Variants in DLG1 observed in about 807,000 individuals in gnomAD.
DLG1 encodes the protein discs large MAGUK scaffold protein 1, also known as disks large homolog 1.
A neutral mutation model predicts 123.4 loss-of-function variants in DLG1; 42 were observed. The observed-to-expected ratio is 0.34, with a 90% CI of 0.27 to 0.44. The LOEUF (loss-of-function observed/expected upper bound fraction) is 0.44, where lower values mean the gene tolerates loss of function less well. Ranked by LOEUF, DLG1 falls within the 20% of genes least tolerant of loss-of-function variation. The pLI, the probability that DLG1 is intolerant of heterozygous loss-of-function variation, is 1.00. For missense variants in DLG1, 942 were observed against 1,082.6 expected, an observed-to-expected ratio of 0.87 and a Z score of 1.82; for synonymous variants, 317 against 356.2, an observed-to-expected ratio of 0.89 and a Z score of 1.24.
intron 12 of DLG1, among the ~76,000 whole-genome samples, chr3:197,117,656 T>A (rs1198274140): frequency 6.6e-6 from 1 of 152,158 alleles, no homozygotes; most frequent in African/African-American, 2.4e-5. Context: ...GATTAAAGGT[T>A]ACCAGGGGCT....
At chr3:197,130,787 G>T in intron 10 of DLG1, 116 bp from the exon 11 acceptor site, 1 of 789,646 alleles carries the variant, frequency 1.3e-6, no homozygotes, top group Non-Finnish European at 1.9e-6. Context: ...ATAAAGGTAT[G>T]CCGAAAGAAA....
intron 11 of DLG1, among the ~76,000 whole-genome samples, chr3:197,119,783 T>TA (rs1444065862): frequency 6.6e-6 from 1 of 152,124 alleles, no homozygotes; most frequent in African/African-American, 2.4e-5. Context: ...ACACCCAGAT[T>TA]ACTTAAAGAA....
Position 197,051,589 on chromosome 3 carries a change from C to G in DLG1, c.2563G>C (p.Glu855Gln), listed in dbSNP as rs1461717180. 1.2e-6 allele frequency: 2 copies of G among 1,613,762 alleles called. No individual in the cohort carries two copies. Among genetic ancestry groups the G allele is most frequent in the Admixed American group, 1.7e-5 (1 of 60,010 alleles). ...ACACGGTTCCAACCTGTGAAATGTT[C>G]AGTAAACTCCTGTTCCAGTTTCATG... ...RAMKLEQEFT[E>Q]HFTAIVQGDT... Residue 855 changes from glutamate to glutamine, a missense_variant, in exon 24 of 25, where the codon GAA becomes CAA. Transcript: ENST00000667157.
intron 4 of DLG1, among the ~76,000 whole-genome samples, chr3:197,263,987 T>A (rs373146578): frequency 6.6e-6 from 1 of 152,048 alleles, no homozygotes; most frequent in African/African-American, 2.4e-5. Context: ...CCAGTAAAAA[T>A]AGAAGTTTGC....
At chr3:197,184,659 G>T (rs1341764686) in intron 5 of DLG1, among the ~76,000 whole-genome samples, 2 of 152,138 alleles carry the variant, frequency 1.3e-5, no homozygotes, top group Non-Finnish European at 2.9e-5. Context: ...GAACTTTCAA[G>T]AAATTATCAG....
At chr3:197,045,402 G>T (rs112469690) in intron 24 of DLG1, among the ~76,000 whole-genome samples, 1 of 152,068 alleles carries the variant, frequency 6.6e-6, no homozygotes, top group Non-Finnish European at 1.5e-5. Flanking sequence ...ACAAAGTATC[G>T]CTAGACAGCA....
At chr3:197,133,665 G>A (rs1007281669) in intron 10 of DLG1, among the ~76,000 whole-genome samples, 5 of 152,136 alleles carry the variant, frequency 3.3e-5, no homozygotes, top group Admixed American at 1.3e-4. Context: ...AGTGACCTTG[G>A]GAGTGAATAG....
intron 18 of DLG1, among the ~76,000 whole-genome samples, chr3:197,073,667 CTCT>C (rs1365978209): frequency 2.0e-5 from 3 of 152,170 alleles, no homozygotes; most frequent in East Asian, 1.9e-4. Context: ...TTATTTGACT[CTCT>C]TCTTCTCAGA....
At chr3:197,298,237 T>G in intron 1 of DLG1, 7 of 334,614 alleles carry the variant, frequency 2.1e-5, no homozygotes, top group South Asian at 1.6e-4. Context: ...GCTGCTACCT[T>G]CGGGTTGGAA....
chr3:197,157,989 T>C (rs1310260598), intron 5 of DLG1, among the ~76,000 whole-genome samples: 2 of 152,210 alleles, frequency 1.3e-5, no homozygotes, highest in Non-Finnish European at 2.9e-5. Flanking sequence ...GAATTGTCAA[T>C]GATTTCTTGG....
At position 197,155,863 on chromosome 3, in the gene DLG1, C is replaced by T. The variant is rs563421072; in HGVS notation, c.484-6067G>A. 2.0e-4 allele frequency among the ~76,000 whole-genome samples: 31 copies of T among 152,174 alleles called. No homozygotes were observed. In the East Asian group the frequency reaches 5.0e-3, roughly 25 times the overall value. ...ATTCAGGAGACTGAGGCGGGAGAAT[C>T]GATTGGGCCCAAGAGGTTGAGGCTG... On this transcript the variant is annotated intron_variant, in intron 5 of 24. Coordinates refer to ENST00000667157, the MANE Select transcript of DLG1 (RefSeq NM_001366207.1).
intron 4 of DLG1, among the ~76,000 whole-genome samples, chr3:197,216,039 C>G (rs1733954462): frequency 6.6e-6 from 1 of 151,958 alleles, no homozygotes; most frequent in South Asian, 2.1e-4. Context: ...TTCACTGAAC[C>G]CAATTCTAGT....
rs998305982 is a variant in DLG1 at position 197,138,562 on chromosome 3, C to G, written c.714-171G>C. Among the ~76,000 whole-genome samples the G allele has an allele frequency of 5.3e-5, 8 of 151,386 alleles. 1 individual carries two copies. The highest frequency in any genetic ancestry group is 1.9e-4 in the African/African-American group (8 of 41,304). The stretch of plus-strand genomic sequence containing the variant: ...AAAGTATATCAAAAACTAATATAAA[C>G]AAATACAAACATTTCCCAAGGGCCA... On this transcript the variant is annotated intron_variant, in intron 8 of 24. Coordinates refer to ENST00000667157, the MANE Select transcript of DLG1 (RefSeq NM_001366207.1).
At chr3:197,273,118 T>C (rs2151061520) in intron 4 of DLG1, among the ~76,000 whole-genome samples, 1 of 152,220 alleles carries the variant, frequency 6.6e-6, no homozygotes, top group Non-Finnish European at 1.5e-5. Flanking sequence ...GTAAGAATAT[T>C]ATACAGTATT....
chr3:197,128,389 T>C (rs1780857653), intron 11 of DLG1, among the ~76,000 whole-genome samples: 1 of 152,226 alleles, frequency 6.6e-6, no homozygotes, highest in Non-Finnish European at 1.5e-5. Context: ...AGTCACATCT[T>C]CAGGCTCCAC....
At chr3:197,286,353 G>A (rs1034263094) in intron 3 of DLG1, among the ~76,000 whole-genome samples, 4 of 152,192 alleles carry the variant, frequency 2.6e-5, no homozygotes, top group Non-Finnish European at 5.9e-5. Flanking sequence ...AAAAGAGGGT[G>A]GGGGAGCTTC....
At chr3:197,267,217 C>A (rs907431535) in intron 4 of DLG1, among the ~76,000 whole-genome samples, 1 of 152,042 alleles carries the variant, frequency 6.6e-6, no homozygotes, top group African/African-American at 2.4e-5. Flanking sequence ...AAAAATAACA[C>A]AAAATGAAGG....
intron 4 of DLG1, among the ~76,000 whole-genome samples, chr3:197,261,070 C>A (rs1398426205): frequency 2.6e-5 from 4 of 152,096 alleles, no homozygotes; most frequent in East Asian, 1.9e-4. Flanking sequence ...CCAAAAAAAA[C>A]CACCACAAAA....
chr3:197,082,380 CA>C (rs200034267), intron 16 of DLG1, among the ~76,000 whole-genome samples: 50 of 143,856 alleles, frequency 3.5e-4, no homozygotes, highest in Admixed American at 2.0e-3. Context: ...CCACCCCAAA[CA>C]AAAAAAAAAA....
Sources: gnomAD v4.1 joint callset for allele counts (sites outside exome capture counted in the v4.1 genomes callset) on GRCh38, gnomAD v4.1.1 for gene constraint, MANE v1.5 for transcripts, NCBI Gene and HGNC (gene_info 2026-07-23, HGNC 2026-07-21) for gene names.